Variants in PTPRM observed in about 807,000 individuals in gnomAD.
The protein encoded by PTPRM is protein tyrosine phosphatase receptor type M, also known as receptor-type tyrosine-protein phosphatase mu.
Under a neutral mutation model 186.7 loss-of-function variants are expected in PTPRM, and 47 were observed. That is an observed-to-expected ratio of 0.25 (90% CI 0.20 to 0.32). The LOEUF is 0.32. PTPRM is among the 10% of genes least tolerant of loss of function. PTPRM has a pLI of 1.00. For missense variants in PTPRM, 1,494 were observed against 1,865.0 expected (o/e 0.80, Z 3.66); for synonymous variants, 668 against 674.9 (o/e 0.99, Z 0.16).
intron 1 of PTPRM, among the ~76,000 whole-genome samples, chr18:7,607,515 A>C (rs2037563087): frequency 6.6e-6 from 1 of 152,182 alleles, no homozygotes. Flanking sequence ...TTGACACCAC[A>C]GGCCTTCTTG....
intron 5 of PTPRM, among the ~76,000 whole-genome samples, chr18:7,939,574 T>A (rs1187925912): frequency 6.6e-6 from 1 of 152,214 alleles, no homozygotes; most frequent in Non-Finnish European, 1.5e-5. Context: ...ATACTCTTGC[T>A]TTTATAAAGA....
intron 31 of PTPRM, among the ~76,000 whole-genome samples, chr18:8,388,504 C>G (rs755680): frequency 3.3e-5 from 5 of 152,212 alleles, no homozygotes; most frequent in African/African-American, 1.2e-4. Context: ...AGTGTCTCAT[C>G]CTGCAGGAAA....
chr18:8,236,783 C>G (rs1362389695), intron 14 of PTPRM, among the ~76,000 whole-genome samples: 2 of 152,148 alleles, frequency 1.3e-5, no homozygotes, highest in Non-Finnish European at 2.9e-5. Flanking sequence ...CTCAAGCAGT[C>G]CACCTGCCTC....
chr18:7,570,333 A>T (rs1358384455), intron 1 of PTPRM, among the ~76,000 whole-genome samples: 1 of 152,212 alleles, frequency 6.6e-6, no homozygotes, highest in Non-Finnish European at 1.5e-5. Context: ...TTCTTCCAGA[A>T]ATTGTAGTAA....
chr18:7,954,817 A>G (rs907610947), intron 6 of PTPRM, among the ~76,000 whole-genome samples: 2 of 152,192 alleles, frequency 1.3e-5, no homozygotes, highest in Admixed American at 6.5e-5. Flanking sequence ...TGTATTCACC[A>G]TTACAAAAAG....
intron 2 of PTPRM, among the ~76,000 whole-genome samples, chr18:7,832,958 A>G (rs946692624): frequency 3.3e-5 from 5 of 152,062 alleles, no homozygotes; most frequent in Non-Finnish European, 7.4e-5. Flanking sequence ...TGGGTTCTCT[A>G]TTCTGTTCCA....
chr18:7,776,954 C>T (rs1425569463), intron 2 of PTPRM, among the ~76,000 whole-genome samples: 2 of 146,372 alleles, frequency 1.4e-5, no homozygotes, highest in African/African-American at 2.6e-5. Flanking sequence ...TTAAATGCTT[C>T]TTAGTTTCCA....
intron 17 of PTPRM, among the ~76,000 whole-genome samples, chr18:8,250,449 T>C (rs2094517489): frequency 6.6e-6 from 1 of 152,126 alleles, no homozygotes; most frequent in Non-Finnish European, 1.5e-5. Flanking sequence ...TGTTTCTTTA[T>C]TTCTAATGTG....
chr18:7,991,449 A>T (rs2083264910), intron 7 of PTPRM, among the ~76,000 whole-genome samples: 1 of 152,144 alleles, frequency 6.6e-6, no homozygotes, highest in Admixed American at 6.6e-5. Context: ...TGAGGTGACA[A>T]AGAACAGAGG....
At chr18:8,395,899 G>A (rs7232155) in intron 32 of PTPRM, among the ~76,000 whole-genome samples, 8,649 of 152,256 alleles carry the variant, frequency 0.057, 867 homozygotes, top group African/African-American at 0.2. Context: ...TGTAAACTAG[G>A]GATACCATGA....
chr18:8,208,767 C>A (rs1452979549), intron 14 of PTPRM, among the ~76,000 whole-genome samples: 1 of 152,204 alleles, frequency 6.6e-6, no homozygotes, highest in Admixed American at 6.5e-5. Context: ...CCACCTTGGC[C>A]CCCCAAAGTG....
intron 8 of PTPRM, among the ~76,000 whole-genome samples, chr18:8,071,137 T>A (rs555014211): frequency 6.6e-6 from 1 of 151,926 alleles, no homozygotes; most frequent in African/African-American, 2.4e-5. Context: ...TGAGAGGGAG[T>A]CTAAGTTTGA....
chr18:7,661,322 T>C (rs1368054144), intron 1 of PTPRM, among the ~76,000 whole-genome samples: 5 of 152,224 alleles, frequency 3.3e-5, no homozygotes, highest in Non-Finnish European at 7.3e-5. Flanking sequence ...TAAGAAGACC[T>C]GAGATCTCCC....
intron 22 of PTPRM, among the ~76,000 whole-genome samples, chr18:8,338,110 G>A (rs2068813621): frequency 6.6e-6 from 1 of 151,944 alleles, no homozygotes; most frequent in South Asian, 2.1e-4. Flanking sequence ...AGGAAACAGG[G>A]TGTGCTGTGC....
At chr18:8,009,749 T>C (rs1354515275) in intron 7 of PTPRM, among the ~76,000 whole-genome samples, 1 of 152,122 alleles carries the variant, frequency 6.6e-6, no homozygotes, top group African/African-American at 2.4e-5. Flanking sequence ...CACTTTTTGC[T>C]TTACACCTCC....
At chr18:8,274,479 A>T (rs1308125672) in intron 19 of PTPRM, among the ~76,000 whole-genome samples, 1 of 152,172 alleles carries the variant, frequency 6.6e-6, no homozygotes, top group East Asian at 1.9e-4. Flanking sequence ...GACTCTTTTC[A>T]ATAGTTTTCA....
In PTPRM at chr18:8,401,532, TC is replaced by T. The variant is rs2095872126; in HGVS notation, c.4345-4576del. Among the ~76,000 whole-genome samples, 7 of 152,320 alleles carry T rather than the reference TC, an allele frequency of 4.6e-5. No homozygotes were observed. In the South Asian group the frequency reaches 1.5e-3, roughly 32 times the overall value. ...TTTCCAGCCCGAAGGATCTGTCCGT[TC>T]AGGGTCTAGCCAAAATCATAGAGCT... On this transcript the variant is annotated intron_variant, in intron 32 of 32. Transcript: ENST00000580170.
chr18:7,649,388 A>T (rs1393575563), intron 1 of PTPRM, among the ~76,000 whole-genome samples: 9 of 152,212 alleles, frequency 5.9e-5, no homozygotes, highest in African/African-American at 1.9e-4. Flanking sequence ...ATTGTTTAAT[A>T]AATATATTTT....
intron 2 of PTPRM, among the ~76,000 whole-genome samples, chr18:7,883,268 G>A (rs907626294): frequency 6.6e-6 from 1 of 152,052 alleles, no homozygotes; most frequent in African/African-American, 2.4e-5. Context: ...AACTACAGAG[G>A]GAGACCCAAT....
Sources: allele counts gnomAD v4.1 joint callset (sites outside exome capture counted in the v4.1 genomes callset), GRCh38; gene constraint gnomAD v4.1.1; transcripts MANE v1.5; gene names NCBI Gene and HGNC (gene_info 2026-07-23, HGNC 2026-07-21).